ADD3: variants seen among roughly 807,000 people sequenced by gnomAD.
ADD3 encodes the protein adducin 3.
In ADD3, 25 loss-of-function variants were observed where a neutral mutation model predicts 80.2. The ratio of observed to expected loss-of-function variants is 0.31; its 90% CI spans 0.23 to 0.44. ADD3 has a LOEUF of 0.44. ADD3 is among the 20% of genes least tolerant of loss of function. The pLI is 1.00. For synonymous variants in ADD3, 284 were observed against 289.6 expected (o/e 0.98, Z 0.20); for missense variants, 829 against 847.5 (o/e 0.98, Z 0.27).
intron 1 of ADD3, among the ~76,000 whole-genome samples, chr10:110,031,883 T>C (rs917234082): frequency 6.6e-5 from 10 of 151,902 alleles, no homozygotes; most frequent in Non-Finnish European, 1.2e-4. Context: ...ATCAGTCTAA[T>C]TGACATATGT....
chr10:110,055,651 T>C (rs1471392722), intron 1 of ADD3, among the ~76,000 whole-genome samples: 1 of 152,066 alleles, frequency 6.6e-6, no homozygotes, highest in Non-Finnish European at 1.5e-5. Context: ...GGCATCAGAG[T>C]CTTTGATTCC....
chr10:110,074,789 G>C (rs1252962896), intron 1 of ADD3, among the ~76,000 whole-genome samples: 1 of 152,194 alleles, frequency 6.6e-6, no homozygotes, highest in East Asian at 1.9e-4. Flanking sequence ...GGAGAGAAGG[G>C]GGATAGCATG....
At chr10:110,032,957 A>G (rs1855225426) in intron 1 of ADD3, among the ~76,000 whole-genome samples, 1 of 152,230 alleles carries the variant, frequency 6.6e-6, no homozygotes, top group Non-Finnish European at 1.5e-5. Flanking sequence ...ATTTAAATAG[A>G]GCCAATTTGG....
At chr10:110,012,582 T>C (rs1171110470) in intron 1 of ADD3, among the ~76,000 whole-genome samples, 1 of 152,220 alleles carries the variant, frequency 6.6e-6, no homozygotes, top group Non-Finnish European at 1.5e-5. Context: ...ATAATCCAAA[T>C]AGTAGTAGCA....
chr10:110,096,802 T>C (rs1395308311), intron 1 of ADD3, among the ~76,000 whole-genome samples: 1 of 152,094 alleles, frequency 6.6e-6, no homozygotes, highest in Non-Finnish European at 1.5e-5. Context: ...GTGGAAAAAG[T>C]AGATCGCAGG....
At chr10:110,040,181 T>A (rs761679097) in intron 1 of ADD3, among the ~76,000 whole-genome samples, 1 of 151,146 alleles carries the variant, frequency 6.6e-6, no homozygotes, top group Non-Finnish European at 1.5e-5. Context: ...AAGTTATTAT[T>A]ATTTTTTTTT....
intron 1 of ADD3, among the ~76,000 whole-genome samples, chr10:110,086,640 C>T (rs752253508): frequency 6.6e-6 from 1 of 152,106 alleles, no homozygotes; most frequent in Non-Finnish European, 1.5e-5. Context: ...CTCCTTCGCT[C>T]GCTTGCTCTC....
At chr10:110,105,836 A>G (rs1380644352) in intron 2 of ADD3, among the ~76,000 whole-genome samples, 1 of 152,224 alleles carries the variant, frequency 6.6e-6, no homozygotes, top group Non-Finnish European at 1.5e-5. Flanking sequence ...TGGTCAGTTG[A>G]GAAGTTTAAG....
At chr10:110,021,502 T>G (rs894413273) in intron 1 of ADD3, among the ~76,000 whole-genome samples, 6 of 152,226 alleles carry the variant, frequency 3.9e-5, no homozygotes, top group Admixed American at 2.6e-4. Flanking sequence ...ACAAATGCGG[T>G]ATCCATGCAG....
At chr10:110,103,466 A>G (rs1056190945) in intron 2 of ADD3, among the ~76,000 whole-genome samples, 1 of 152,200 alleles carries the variant, frequency 6.6e-6, no homozygotes, top group African/African-American at 2.4e-5. Context: ...TGTTGGCAAA[A>G]GACCACAATT....
chr10:110,088,742 G>T (rs1307293787), intron 1 of ADD3, among the ~76,000 whole-genome samples: 1 of 152,110 alleles, frequency 6.6e-6, no homozygotes, highest in Non-Finnish European at 1.5e-5. Flanking sequence ...ATACCCTGTG[G>T]TTCTTTAATA....
intron 1 of ADD3, among the ~76,000 whole-genome samples, chr10:110,016,172 A>G (rs894802371): frequency 1.6e-4 from 25 of 152,258 alleles, no homozygotes; most frequent in African/African-American, 5.8e-4. Flanking sequence ...GGGCTGTTTA[A>G]TTTGGGCTCA....
rs548840622 is a variant in ADD3, at chr10:110,112,695, G to A, written c.196-82G>A. On this transcript the variant is annotated intron_variant, in intron 2 of 14. Transcript: ENST00000356080. ...TAAAAGCTATTCAGAAAAGGGATGG[G>A]GTAAAGATTGATTGTATCGGAACAA... The A allele has an allele frequency of 3.4e-6, 5 of 1,481,230 alleles. No individual in the cohort carries two copies. The African/African-American group carries it at 7.0e-5, about 21-fold the overall frequency. The allele number at this position is 1,481,230 out of a possible 1,614,324, so 91.8% of individuals were successfully genotyped here.
chr10:110,011,805 C>G (rs1380498465), intron 1 of ADD3, among the ~76,000 whole-genome samples: 9 of 152,302 alleles, frequency 5.9e-5, no homozygotes, highest in Middle Eastern at 3.4e-3. Context: ...TGTTAATACT[C>G]TATGGTTTGA....
At chr10:110,027,330 C>A (rs1052598443) in intron 1 of ADD3, among the ~76,000 whole-genome samples, 14 of 152,062 alleles carry the variant, frequency 9.2e-5, no homozygotes, top group African/African-American at 3.4e-4. Context: ...GAACTACCTG[C>A]ATGGTATAAT....
chr10:110,031,822 G>T (rs565138615), intron 1 of ADD3, among the ~76,000 whole-genome samples: 1 of 151,596 alleles, frequency 6.6e-6, no homozygotes, highest in South Asian at 2.1e-4. Flanking sequence ...TTTGGAATAC[G>T]TATACATTTA....
chr10:110,107,893 T>G (rs1590153999), intron 2 of ADD3, among the ~76,000 whole-genome samples: 1 of 152,158 alleles, frequency 6.6e-6, no homozygotes, highest in East Asian at 1.9e-4. Flanking sequence ...GTATTTTGGT[T>G]TTTTAAGGTC....
chr10:110,049,195 C>A (rs551157125), intron 1 of ADD3, among the ~76,000 whole-genome samples: 1 of 152,332 alleles, frequency 6.6e-6, no homozygotes, highest in African/African-American at 2.4e-5. Context: ...TTGGGAACCT[C>A]CACTTAGATT....
chr10:110,023,277 T>G (rs1046683727), intron 1 of ADD3, among the ~76,000 whole-genome samples: 3 of 152,178 alleles, frequency 2.0e-5, no homozygotes, highest in Non-Finnish European at 2.9e-5. Context: ...CCTTCCTCCA[T>G]GTGATGACAA....
Sources: gnomAD v4.1 joint callset for allele counts (sites outside exome capture counted in the v4.1 genomes callset) on GRCh38, gnomAD v4.1.1 for gene constraint, MANE v1.5 for transcripts, NCBI Gene and HGNC (gene_info 2026-07-23, HGNC 2026-07-21) for gene names.